ITGA4: variants seen among roughly 807,000 people sequenced by gnomAD.
ITGA4 encodes the protein integrin alpha-4.
In ITGA4, 63 loss-of-function variants were observed where a neutral mutation model predicts 133.6. The observed-to-expected ratio is 0.47, with a 90% CI of 0.38 to 0.58. ITGA4 has a LOEUF of 0.58. Ranked by LOEUF, ITGA4 falls within the 20% of genes least tolerant of loss-of-function variation. ITGA4 has a pLI of 0.00. For missense variants in ITGA4, 1,076 were observed against 1,252.7 expected (o/e 0.86, Z 2.13); for synonymous variants, 483 against 438.0 (o/e 1.10, Z -1.28).
rs1444066816 is a variant in ITGA4, at chr2:181,498,689, C to T, written c.1607C>T (p.Ser536Phe). The T allele has an allele frequency of 6.2e-7, 1 of 1,612,100 alleles. No homozygotes were observed. The highest frequency in any genetic ancestry group is 1.3e-5 in the African/African-American group (1 of 74,968). ...GAGTCTCCACCAAGATTCTATTTCT[C>T]TTCTAATGGAACTTCTGACGTGATT... is the stretch of plus-strand genomic sequence containing the variant. ...KAESPPRFYF[S>F]SNGTSDVITG... Residue 536 changes from serine to phenylalanine, a missense_variant, in exon 15 of 28, where the codon TCT becomes TTT. By Grantham distance (155) the Ser-to-Phe change is radical. Around this residue, in one of 4 missense-constraint regions of ITGA4, gnomAD observed 365 missense variants for 421.4 expected, o/e 0.87. Coordinates refer to ENST00000397033, the MANE Select transcript of ITGA4 (RefSeq NM_000885.6).
chr2:181,466,523 G>C (rs893034133), intron 2 of ITGA4, among the ~76,000 whole-genome samples: 2 of 152,064 alleles, frequency 1.3e-5, no homozygotes, highest in African/African-American at 4.8e-5. Flanking sequence ...TGGAGGAAAA[G>C]AGTTCTAGAA....
chr2:181,481,242 T>A (rs1343183868), intron 6 of ITGA4, among the ~76,000 whole-genome samples: 1 of 152,210 alleles, frequency 6.6e-6, no homozygotes, highest in Non-Finnish European at 1.5e-5. Flanking sequence ...TTCAGCAAGA[T>A]GTTTATTTAA....
At chr2:181,489,796 C>A (rs984113004) in intron 10 of ITGA4, among the ~76,000 whole-genome samples, 2 of 152,030 alleles carry the variant, frequency 1.3e-5, no homozygotes, top group African/African-American at 4.8e-5. Flanking sequence ...CATCATCCAC[C>A]CCACACAACC....
At chr2:181,459,880 A>C (rs771356815) in intron 2 of ITGA4, among the ~76,000 whole-genome samples, 20 of 152,164 alleles carry the variant, frequency 1.3e-4, no homozygotes, top group Non-Finnish European at 2.9e-4. Flanking sequence ...GTCTGGATGG[A>C]CACTGAATCT....
rs534520916 is a variant in ITGA4, at chr2:181,483,738, T to C, written c.1041+1087T>C. On this transcript the variant is annotated intron_variant, in intron 9 of 27. Transcript: ENST00000397033. ...TAAATCTCATAGTAGTAATATCAGA[T>C]AATTTTCTTCCATTTCTATCTCCAA... 1.3e-3 allele frequency among the ~76,000 whole-genome samples: 196 copies of C among 152,336 alleles called. 1 individual carries two copies. The highest frequency in any genetic ancestry group is 4.6e-3 in the African/African-American group (192 of 41,582).
At chr2:181,512,080 G>A (rs1176208973) in intron 17 of ITGA4, among the ~76,000 whole-genome samples, 1 of 152,062 alleles carries the variant, frequency 6.6e-6, no homozygotes, top group African/African-American at 2.4e-5. Context: ...CTAACACATA[G>A]CAAAGACTGG....
intron 2 of ITGA4, chr2:181,458,900 A>C (rs1360010765): frequency 6.6e-6 from 1 of 152,566 alleles, no homozygotes; most frequent in Admixed American, 6.5e-5. Context: ...AACTCATGTT[A>C]TATGGGTCCA....
chr2:181,489,362 A>C (rs907078359), intron 10 of ITGA4, among the ~76,000 whole-genome samples: 1 of 135,746 alleles, frequency 7.4e-6, no homozygotes, highest in African/African-American at 2.8e-5. Flanking sequence ...GATTTGGCAA[A>C]AATTTAGTGT....
At chr2:181,472,457 C>T (rs1685578139) in intron 2 of ITGA4, among the ~76,000 whole-genome samples, 1 of 152,128 alleles carries the variant, frequency 6.6e-6, no homozygotes, top group Non-Finnish European at 1.5e-5. Context: ...CCCCCATCCT[C>T]TCCTGTCCTT....
chr2:181,496,860 G>A (rs918974157), intron 14 of ITGA4, among the ~76,000 whole-genome samples: 2 of 152,092 alleles, frequency 1.3e-5, no homozygotes, highest in Non-Finnish European at 2.9e-5. Context: ...CCTGCAGGCT[G>A]CTGTTATCTA....
intron 10 of ITGA4, among the ~76,000 whole-genome samples, chr2:181,489,292 C>G (rs949386206): frequency 5.3e-5 from 8 of 152,142 alleles, no homozygotes; most frequent in African/African-American, 1.9e-4. Context: ...AAAAATCAGA[C>G]TCTATTTCCT....
At chr2:181,533,991 C>G (rs774065556) in intron 25 of ITGA4, among the ~76,000 whole-genome samples, 1 of 152,108 alleles carries the variant, frequency 6.6e-6, no homozygotes, top group Non-Finnish European at 1.5e-5. Context: ...GGGTGGAGAA[C>G]AATGGTAAAT....
intron 9 of ITGA4, among the ~76,000 whole-genome samples, chr2:181,483,331 T>G (rs1180402494): frequency 6.6e-6 from 1 of 152,234 alleles, no homozygotes; most frequent in Admixed American, 6.5e-5. Flanking sequence ...TTCTTGGCGT[T>G]AAGTCAAAAC....
At chr2:181,464,058 A>G (rs1315555411) in intron 2 of ITGA4, among the ~76,000 whole-genome samples, 1 of 152,060 alleles carries the variant, frequency 6.6e-6, no homozygotes, top group African/African-American at 2.4e-5. Flanking sequence ...GTATTCATCC[A>G]TGCTTGAGAA....
intron 4 of ITGA4, among the ~76,000 whole-genome samples, chr2:181,476,933 C>A (rs1163080809): frequency 6.6e-6 from 1 of 152,026 alleles, no homozygotes; most frequent in Non-Finnish European, 1.5e-5. Flanking sequence ...CATATGGACA[C>A]AAGGGACACA....
chr2:181,538,050 T>C lies in ITGA4; in HGVS notation c.*2523T>C, dbSNP rs1351079235. ...GGTGGAACAGTTCATCCTGAAACCA[T>C]TCCCCCATCCACGGAAAAATTGTCT... On this transcript the variant is annotated 3_prime_UTR_variant, in exon 28 of 28. Coordinates refer to ENST00000397033, the MANE Select transcript of ITGA4 (RefSeq NM_000885.6). The C allele has an allele frequency of 1.4e-6, 1 of 705,098 alleles. No individual in the cohort carries two copies. The highest frequency in any genetic ancestry group is 1.8e-5 in the African/African-American group (1 of 56,910). 43.7% of individuals were successfully genotyped at this position (705,098 alleles called of 1,614,324 possible). A position where few individuals can be genotyped will look rare whatever the true frequency, so the allele number is the denominator to read the frequency against.
chr2:181,525,133 A>G, intron 20 of ITGA4, 69 bp from the exon 21 acceptor site: 1 of 840,460 alleles, frequency 1.2e-6, no homozygotes, highest in Non-Finnish European at 2.1e-6. Flanking sequence ...TATACAGGGT[A>G]TGTAATTAGT....
rs948975217 is a variant in ITGA4, at chr2:181,516,581, G to A, written c.1922+4806G>A. Among the ~76,000 whole-genome samples the A allele has an allele frequency of 1.3e-5, 2 of 152,040 alleles. No homozygotes were observed. Among genetic ancestry groups the A allele is most frequent in the South Asian group, 2.1e-4 (1 of 4,818 alleles). ...TTTGATGTATTCTGATTAACCAGACGTGTGTTACCTGTTTATCCCTGATTC... is the reference window on the plus strand; with the variant it reads ...TTTGATGTATTCTGATTAACCAGACATGTGTTACCTGTTTATCCCTGATTC... On this transcript the variant is annotated intron_variant, in intron 17 of 27. Transcript: ENST00000397033. The surrounding 1 kb of genome is among the most constrained non-coding windows in gnomAD (Gnocchi z 4.0).
rs760822199 is a variant in ITGA4 at position 181,481,585 on chromosome 2, CCTTTT to C, written c.755-9_755-5del. On this transcript the variant is annotated splice_region_variant and splice_polypyrimidine_tract_variant and intron_variant, in intron 6 of 27. Transcript: ENST00000397033. ...TTACCCAGGACTCTCATACTTTCTC[CCTTTT>C]CTTAAAGGATATTCAGTCGGAGCTG... The C allele has an allele frequency of 2.6e-6, 4 of 1,524,312 alleles. No individual in the cohort carries two copies. Among genetic ancestry groups the C allele is most frequent in the Non-Finnish European group, 3.6e-6 (4 of 1,105,306 alleles). The allele number at this position is 1,524,312 out of a possible 1,614,324, so 94.4% of individuals were successfully genotyped here.
Sources: gnomAD v4.1 joint callset for allele counts (sites outside exome capture counted in the v4.1 genomes callset) on GRCh38, gnomAD v4.1.1 for gene constraint, gnomAD v4.1.1 regional missense constraint, Gnocchi (gnomAD v3.1) non-coding constraint, MANE v1.5 for transcripts, NCBI Gene and HGNC (gene_info 2026-07-23, HGNC 2026-07-21) for gene names.